The following MALRD1 variants were observed in gnomAD, a reference collection of about 807,000 sequenced individuals.
MALRD1 encodes MAM and LDL receptor class A domain containing 1, also known as MAM and LDL-receptor class A domain-containing protein 1.
MALRD1 carries 247 observed loss-of-function variants against 242.1 expected under a neutral mutation model. That is an observed-to-expected ratio of 1.02 (90% CI 0.92 to 1.13). The LOEUF (loss-of-function observed/expected upper bound fraction) is 1.13, where lower values mean the gene tolerates loss of function less well. MALRD1 is among the 50% of genes most tolerant of loss of function. The pLI, the probability that MALRD1 is intolerant of heterozygous loss-of-function variation, is 0.00. For synonymous variants in MALRD1, 995 were observed against 866.6 expected (o/e 1.15, Z -2.60); for missense variants, 2,989 against 2,533.1 (o/e 1.18, Z -3.86).
intron 10 of MALRD1, among the ~76,000 whole-genome samples, chr10:19,144,215 C>T (rs188766392): frequency 1.9e-3 from 293 of 152,300 alleles, no homozygotes; most frequent in African/African-American, 6.8e-3. Flanking sequence ...GTACCAAAAT[C>T]TATGGATGCT....
At chr10:19,670,396 C>T (rs1247386035) in intron 36 of MALRD1, among the ~76,000 whole-genome samples, 4 of 152,138 alleles carry the variant, frequency 2.6e-5, no homozygotes, top group African/African-American at 4.8e-5. Flanking sequence ...CTCCAACACT[C>T]GGAAACCCAT....
intron 24 of MALRD1, among the ~76,000 whole-genome samples, chr10:19,339,940 T>A (rs953015558): frequency 6.6e-6 from 1 of 152,054 alleles, no homozygotes; most frequent in African/African-American, 2.4e-5. Context: ...GCAAGGAATG[T>A]CTTCCATGGA....
chr10:19,592,966 G>A (rs1168093513), intron 33 of MALRD1, among the ~76,000 whole-genome samples: 2 of 150,728 alleles, frequency 1.3e-5, no homozygotes, highest in African/African-American at 4.9e-5. Context: ...TCAACCTTTG[G>A]TGAGCTCATA....
chr10:19,235,180 A>G (rs1420979969), intron 18 of MALRD1, among the ~76,000 whole-genome samples: 1 of 152,154 alleles, frequency 6.6e-6, no homozygotes, highest in East Asian at 1.9e-4. Flanking sequence ...AGTCCTTTAG[A>G]TAGGCCGCTC....
Position 19,692,252 on chromosome 10 carries a change from T to G in MALRD1, c.6138-30T>G, listed in dbSNP as rs1000718165. 2.1e-5 allele frequency: 31 copies of G among 1,495,736 alleles called. No individual in the cohort carries two copies. The Admixed American group carries it at 4.1e-4, about 20-fold the overall frequency. 92.7% of individuals were successfully genotyped at this position (1,495,736 alleles called of 1,614,324 possible). A position where few individuals can be genotyped will look rare whatever the true frequency, so the allele number is the denominator to read the frequency against. ...CAAATATCTTTTCACTTTTCTTTTT[T>G]CCAACTATTTTATTTTATCTCCTTT... On this transcript the variant is annotated intron_variant, in intron 36 of 39. Transcript: ENST00000454679.
At chr10:19,425,750 A>G (rs114471434) in intron 28 of MALRD1, among the ~76,000 whole-genome samples, 415 of 152,298 alleles carry the variant, frequency 2.7e-3, no homozygotes, top group African/African-American at 9.3e-3. Context: ...GATAGAACAA[A>G]TAGTTTTAGC....
chr10:19,592,394 T>A (rs1287442430), intron 33 of MALRD1, among the ~76,000 whole-genome samples: 1 of 152,210 alleles, frequency 6.6e-6, no homozygotes, highest in Non-Finnish European at 1.5e-5. Context: ...CCATCTTATC[T>A]CCAACTCACC....
In MALRD1 at chr10:19,533,738, C is replaced by CT. The variant is rs373396689; in HGVS notation, c.5478+2388dup. Among the ~76,000 whole-genome samples the CT allele has an allele frequency of 1.9e-3, 286 of 152,268 alleles. 1 individual carries two copies. The highest frequency in any genetic ancestry group is 6.5e-3 in the African/African-American group (270 of 41,534). On this transcript the variant is annotated intron_variant, in intron 32 of 39. Transcript: ENST00000454679. Reference sequence around the variant, plus strand: ...AAGACAGCATCCAGCCATGACAGATCTGCCCCCATGACCCAACAGCTCCCA... The same window carrying CT: ...AAGACAGCATCCAGCCATGACAGATCTTGCCCCCATGACCCAACAGCTCCCA...
intron 28 of MALRD1, among the ~76,000 whole-genome samples, chr10:19,424,237 G>A (rs1447674417): frequency 6.6e-6 from 1 of 151,944 alleles, no homozygotes; most frequent in African/African-American, 2.4e-5. Context: ...TCAGCTTACT[G>A]CAACCTGCAC....
At chr10:19,724,801 T>C (rs1318745887) in intron 38 of MALRD1, 1 of 152,144 alleles carries the variant, frequency 6.6e-6, no homozygotes, top group East Asian at 1.9e-4. Context: ...TATTCATAAA[T>C]GGCATGATAC....
At chr10:19,410,578 A>T (rs1285898645) in intron 28 of MALRD1, among the ~76,000 whole-genome samples, 1 of 152,048 alleles carries the variant, frequency 6.6e-6, no homozygotes, top group Non-Finnish European at 1.5e-5. Context: ...TAACCTTGAT[A>T]ATGGACGCTA....
chr10:19,505,328 C>T (rs964749301), intron 31 of MALRD1, among the ~76,000 whole-genome samples: 4 of 152,108 alleles, frequency 2.6e-5, no homozygotes, highest in Non-Finnish European at 4.4e-5. Context: ...TTTGGAGATA[C>T]GGTCTTTAAG....
intron 26 of MALRD1, among the ~76,000 whole-genome samples, chr10:19,377,818 A>G (rs1242119796): frequency 6.6e-6 from 1 of 152,128 alleles, no homozygotes; most frequent in Non-Finnish European, 1.5e-5. Context: ...AAGCAAATTA[A>G]TAAACCTAAA....
intron 4 of MALRD1, among the ~76,000 whole-genome samples, chr10:19,096,197 A>T (rs1033870239): frequency 6.6e-6 from 1 of 152,152 alleles, no homozygotes; most frequent in Non-Finnish European, 1.5e-5. Flanking sequence ...TGTTTTGCTC[A>T]GCTTCCTATT....
At chr10:19,347,174 CA>C (rs1844169030) in intron 24 of MALRD1, among the ~76,000 whole-genome samples, 1 of 152,052 alleles carries the variant, frequency 6.6e-6, no homozygotes, top group African/African-American at 2.4e-5. Context: ...ACAACTTAAG[CA>C]ATGACAGTAA....
chr10:19,265,823 T>A (rs1199551045), intron 19 of MALRD1, among the ~76,000 whole-genome samples: 2 of 152,070 alleles, frequency 1.3e-5, no homozygotes, highest in African/African-American at 4.8e-5. Flanking sequence ...GATATTGAAG[T>A]CCTTTACTAT....
At chr10:19,125,310 CTTCCTTCCTTCCTTCT>C (rs1385328984) in intron 7 of MALRD1, among the ~76,000 whole-genome samples, 80 of 71,432 alleles carry the variant, frequency 1.1e-3, no homozygotes, top group African/African-American at 5.0e-3. Flanking sequence ...TCCTTCCTTC[CTTCCTTCCTTCCTTCT>C]TTCTTTCTTT....
At chr10:19,547,515 T>C (rs1835259375) in intron 32 of MALRD1, among the ~76,000 whole-genome samples, 1 of 151,762 alleles carries the variant, frequency 6.6e-6, no homozygotes, top group South Asian at 2.1e-4. Context: ...AAATTATTAT[T>C]TTTTTAATCC....
chr10:19,506,092 G>A (rs1833124597), intron 31 of MALRD1, among the ~76,000 whole-genome samples: 1 of 152,190 alleles, frequency 6.6e-6, no homozygotes, highest in Admixed American at 6.5e-5. Context: ...GCCCTATGGG[G>A]AAGTGTATTT....
Sources: gnomAD v4.1 joint callset for allele counts (sites outside exome capture counted in the v4.1 genomes callset) on GRCh38, gnomAD v4.1.1 for gene constraint, MANE v1.5 for transcripts, NCBI Gene and HGNC (gene_info 2026-07-23, HGNC 2026-07-21) for gene names.